The following EP300 variants were observed in gnomAD, a reference collection of about 807,000 sequenced individuals.
EP300 encodes the protein EP300 lysine acetyltransferase.
In EP300, 31 loss-of-function variants were observed where a neutral mutation model predicts 264.0. That is an observed-to-expected ratio of 0.12 (90% CI 0.09 to 0.16). EP300 has a LOEUF of 0.16. Among genes scored for constraint, EP300 ranks in the 10% least tolerant of loss-of-function variants. The probability of loss-of-function intolerance (pLI) is 1.00; values close to 1 mark genes in which losing one functional copy is unlikely to be tolerated. For missense variants in EP300, 2,766 were observed against 3,052.9 expected, an observed-to-expected ratio of 0.91 and a Z score of 2.21; for synonymous variants, 1,340 against 1,045.4, an observed-to-expected ratio of 1.28 and a Z score of -5.44.
chr22:41,178,501 C>G lies in EP300; in HGVS notation c.6790C>G (p.Leu2264Val). 6.2e-7 allele frequency: 1 copy of G among 1,614,114 alleles called. No homozygotes were observed. The highest frequency in any genetic ancestry group is 8.5e-7 in the Non-Finnish European group (1 of 1,179,994). The part of the protein sequence containing the change: ...GASLQAYQQR[L>V]LQQQMGSPVQ... ...CAGTCTACAGGCCTATCAGCAGCGA[C>G]TCCTTCAGCAACAGATGGGGTCCCC... The change falls in exon 31 of 31, where the codon CTC (leucine) becomes GTC (valine). Residue 2264 changes from leucine to valine, a missense_variant. Physicochemically the swap from Leu to Val is conservative, Grantham distance 32 (BLOSUM62 1). Transcript: ENST00000263253.
intron 2 of EP300, 53 bp downstream of exon 2, chr22:41,117,874 A>G (rs983001160): frequency 2.9e-5 from 47 of 1,611,270 alleles, no homozygotes; most frequent in Non-Finnish European, 3.7e-5. Flanking sequence ...GAGTATTGTC[A>G]TGATGGATGG....
Position 41,177,131 on chromosome 22 carries a change from T to G in EP300, c.5420T>G (p.Leu1807Arg). 1 of 1,613,996 alleles carries G rather than the reference T, an allele frequency of 6.2e-7. No individual in the cohort carries two copies. The highest frequency in any genetic ancestry group is 8.5e-7 in the Non-Finnish European group (1 of 1,179,992). The change falls in exon 31 of 31, where the codon CTA (leucine) becomes CGA (arginine). Residue 1807 changes from leucine to arginine, a missense_variant. Coordinates refer to ENST00000263253, the MANE Select transcript of EP300 (RefSeq NM_001429.4). ...QENKCPVPFC[L>R]NIKQKLRQQQ... ...AACAAATGCCCGGTGCCGTTCTGCC[T>G]AAACATCAAGCAGAAGCTCCGGCAG...
chr22:41,107,150 C>T (rs970508383), intron 1 of EP300, among the ~76,000 whole-genome samples: 12 of 152,014 alleles, frequency 7.9e-5, no homozygotes, highest in Admixed American at 3.9e-4. Flanking sequence ...CCGCCAGCCT[C>T]GGCCTTCCAA....
At chr22:41,173,852 C>T in intron 29 of EP300, 68 bp downstream of exon 29, 1 of 1,595,938 alleles carries the variant, frequency 6.3e-7, no homozygotes, top group Non-Finnish European at 8.6e-7. Flanking sequence ...TGGCTCACAC[C>T]TGTAATCCCA....
At chr22:41,117,905 T>C (rs2058830738) in intron 2 of EP300, 84 bp downstream of exon 2, 1 of 1,596,100 alleles carries the variant, frequency 6.3e-7, no homozygotes, top group Non-Finnish European at 8.5e-7. Flanking sequence ...TTACATTGTA[T>C]AGCAGTTTCC....
At chr22:41,106,423 G>T (rs1046419687) in intron 1 of EP300, among the ~76,000 whole-genome samples, 5 of 152,064 alleles carry the variant, frequency 3.3e-5, no homozygotes, top group African/African-American at 1.2e-4. Flanking sequence ...TTGGCGCTCT[G>T]AGTCTTCTGA....
In EP300 at chr22:41,169,261, CTGATTGATGTGTA is replaced by C. The variant is rs1160112314; in HGVS notation, c.4173-239_4173-227del. ...AAAAACGTATAGGGATCACCAAATA[CTGATTGATGTGTA>C]TGTGCCAGGCACTGCTAGTTACTAC... is the stretch of plus-strand genomic sequence containing the variant. On this transcript the variant is annotated intron_variant, in intron 25 of 30. Coordinates refer to ENST00000263253, the MANE Select transcript of EP300 (RefSeq NM_001429.4). 134 of 577,860 alleles carry C rather than the reference CTGATTGATGTGTA, an allele frequency of 2.3e-4. 1 individual carries two copies. The highest frequency in any genetic ancestry group is 3.6e-4 in the Non-Finnish European group (116 of 325,938). The allele number at this position is 577,860 out of a possible 1,614,324, so 35.8% of individuals were successfully genotyped here.
rs971573834 is a variant in EP300, at chr22:41,178,712, A to G, written c.7001A>G (p.Gln2334Arg). The change falls in exon 31 of 31, where the codon CAG becomes CGG. Residue 2334 changes from glutamine to arginine, a missense_variant. By Grantham distance (43) the Gln-to-Arg change is conservative. Transcript: ENST00000263253. The stretch of plus-strand genomic sequence containing the variant: ...AGTCCTTCCCCAAGGATGCAGCCTC[A>G]GCCTTCTCCACACCACGTTTCCCCA... ...HSSPSPRMQP[Q>R]PSPHHVSPQT... 4 of 1,613,978 alleles carry G rather than the reference A, an allele frequency of 2.5e-6. No individual in the cohort carries two copies. Among genetic ancestry groups the G allele is most frequent in the Non-Finnish European group, 2.5e-6 (3 of 1,180,034 alleles).
At chr22:41,156,105 G>A (rs779423250) in intron 17 of EP300, among the ~76,000 whole-genome samples, 1 of 151,896 alleles carries the variant, frequency 6.6e-6, no homozygotes, top group Non-Finnish European at 1.5e-5. Context: ...TCCCCCTCCC[G>A]GGTTCAAGCA....
rs368612193 is a variant in EP300, at chr22:41,096,654, C to T, written c.94+3556C>T. On this transcript the variant is annotated intron_variant, in intron 1 of 30. Transcript: ENST00000263253. ...TTTTTTTGAGACAGAGGTTTGCTCT[C>T]GTTGCCCAGGCTGGAGTGCAGTAGC... Among the ~76,000 whole-genome samples the T allele has an allele frequency of 5.6e-4, 75 of 135,020 alleles. 2 individuals are homozygous for T. The South Asian group carries it at 0.017, about 30-fold the overall frequency. 88.6% of individuals were successfully genotyped at this position (135,020 alleles called of 152,430 possible). A position where few individuals can be genotyped will look rare whatever the true frequency, so the allele number is the denominator to read the frequency against.
intron 10 of EP300, among the ~76,000 whole-genome samples, chr22:41,142,621 C>G (rs2058989214): frequency 6.6e-6 from 1 of 152,152 alleles, no homozygotes. Flanking sequence ...TGCGGTGGTT[C>G]ATGCCTGTAC....
chr22:41,097,589 A>G (rs1176467966), intron 1 of EP300, among the ~76,000 whole-genome samples: 1 of 152,236 alleles, frequency 6.6e-6, no homozygotes, highest in Non-Finnish European at 1.5e-5. Context: ...TTTTCCTGGT[A>G]TATTTACAAA....
intron 27 of EP300, 49 bp from the exon 28 acceptor site, chr22:41,172,450 G>T (rs891063988): frequency 1.5e-5 from 22 of 1,492,880 alleles, no homozygotes; most frequent in Non-Finnish European, 1.8e-5. Flanking sequence ...TATAATCAAT[G>T]CTTTAAAAGA....
chr22:41,147,305 A>AAAC (rs2059016885), intron 11 of EP300, among the ~76,000 whole-genome samples: 1 of 37,238 alleles, frequency 2.7e-5, no homozygotes, highest in African/African-American at 4.5e-5. Flanking sequence ...CTTCGTCTCA[A>AAAC]AAAAAAAAAA....
Position 41,178,889 on chromosome 22 carries a change from T to C in EP300, c.7178T>C (p.Leu2393Pro). 6.2e-7 allele frequency: 1 copy of C among 1,614,202 alleles called. No individual in the cohort carries two copies. The highest frequency in any genetic ancestry group is 1.3e-5 in the African/African-American group (1 of 75,048). The change falls in exon 31 of 31, where the codon CTG (leucine) becomes CCG (proline). Residue 2393 changes from leucine to proline, a missense_variant. Leu to Pro is a moderately conservative substitution (Grantham distance 98). Transcript: ENST00000263253. Reference protein sequence around the residue: ...ANLHGASATDLGLSTDNSDLN... With the variant: ...ANLHGASATDPGLSTDNSDLN... ...CTCCATGGTGCAAGCGCCACGGACC[T>C]GGGACTCAGCACCGATAACTCAGAC...
chr22:41,176,757 C>T lies in EP300; in HGVS notation c.5062-16C>T, dbSNP rs1278739129. On this transcript the variant is annotated splice_polypyrimidine_tract_variant and intron_variant, in intron 30 of 30. Coordinates refer to ENST00000263253, the MANE Select transcript of EP300 (RefSeq NM_001429.4). ...AATCTTGGAGAGTTTACGTGCACCT[C>T]CTGTTTTTTCCCTAGGATTATGACT... 2.5e-6 allele frequency: 4 copies of T among 1,613,724 alleles called. No homozygotes were observed. Among genetic ancestry groups the T allele is most frequent in the Non-Finnish European group, 3.4e-6 (4 of 1,180,042 alleles).
At chr22:41,118,684 A>G (rs1201144380) in intron 2 of EP300, among the ~76,000 whole-genome samples, 2 of 152,210 alleles carry the variant, frequency 1.3e-5, no homozygotes, top group African/African-American at 4.8e-5. Flanking sequence ...TCTTGGGTGC[A>G]GTGGCTCATG....
At chr22:41,130,255 A>T (rs1041551713) in intron 5 of EP300, among the ~76,000 whole-genome samples, 7 of 68,792 alleles carry the variant, frequency 1.0e-4, no homozygotes, top group Admixed American at 2.3e-4. Context: ...TGCCTCAATT[A>T]AAAAAAAAAA....
At chr22:41,114,979 T>C (rs999912434) in intron 1 of EP300, among the ~76,000 whole-genome samples, 1 of 152,100 alleles carries the variant, frequency 6.6e-6, no homozygotes, top group Non-Finnish European at 1.5e-5. Context: ...ATTTTTGTTG[T>C]TGTTAGTAGA....
Sources: gnomAD v4.1 joint callset for allele counts (sites outside exome capture counted in the v4.1 genomes callset) on GRCh38, gnomAD v4.1.1 for gene constraint, MANE v1.5 for transcripts, NCBI Gene and HGNC (gene_info 2026-07-23, HGNC 2026-07-21) for gene names.